TMEM204: variants seen among roughly 807,000 people sequenced by gnomAD.
TMEM204 encodes transmembrane protein 204, also known as claudin-like protein 24.
In TMEM204, 15 loss-of-function variants were observed where a neutral mutation model predicts 19.4. The observed-to-expected ratio is 0.77, with a 90% CI of 0.52 to 1.19. The LOEUF (loss-of-function observed/expected upper bound fraction) is 1.19, where lower values mean the gene tolerates loss of function less well. Ranked by LOEUF, TMEM204 falls within the 50% of genes most tolerant of loss-of-function variation. The probability of loss-of-function intolerance (pLI) is 0.00; values close to 1 mark genes in which losing one functional copy is unlikely to be tolerated. For missense variants in TMEM204, 287 were observed against 321.2 expected, an observed-to-expected ratio of 0.89 and a Z score of 0.81; for synonymous variants, 161 against 146.0, an observed-to-expected ratio of 1.10 and a Z score of -0.74.
chr16:1,537,100 G>A (rs1419883316), intron 1 of TMEM204, among the ~76,000 whole-genome samples: 1 of 152,236 alleles, frequency 6.6e-6, no homozygotes, highest in Non-Finnish European at 1.5e-5. Flanking sequence ...CGTATGATGG[G>A]CTGCGACCGT....
chr16:1,533,760 C>G lies in TMEM204; in HGVS notation c.-516C>G, dbSNP rs1356131520. On this transcript the variant is annotated 5_prime_UTR_variant, in exon 1 of 3. Transcript: ENST00000566264. This position sits in a 1 kb window ranked among gnomAD's most constrained non-coding sequence, Gnocchi z 4.7. Reference sequence around the variant, plus strand: ...TGCTTTCCAGGACCGGCCAACTGCCCTGGAGGCATCCACACAGGGGCCCAG... The same window carrying G: ...TGCTTTCCAGGACCGGCCAACTGCCGTGGAGGCATCCACACAGGGGCCCAG... The G allele has an allele frequency of 5.6e-6, 1 of 177,102 alleles. No individual in the cohort carries two copies. The highest frequency in any genetic ancestry group is 2.4e-5 in the African/African-American group (1 of 41,598). The allele number at this position is 177,102 out of a possible 1,614,324, so 11.0% of individuals were successfully genotyped here. A position where few individuals can be genotyped will look rare whatever the true frequency, so the allele number is the denominator to read the frequency against.
At chr16:1,548,922 G>C (rs941837147) in intron 2 of TMEM204, among the ~76,000 whole-genome samples, 2 of 152,216 alleles carry the variant, frequency 1.3e-5, no homozygotes, top group African/African-American at 4.8e-5. Flanking sequence ...GGAACACACG[G>C]AAGGTTCCCT....
At chr16:1,528,949 C>T (rs903694733), upstream of TMEM204, among the ~76,000 whole-genome samples, 5 of 152,148 alleles carry the variant, frequency 3.3e-5, no homozygotes, top group African/African-American at 4.8e-5. Context: ...ATCTCAGCTT[C>T]CCTGGCTCCC....
At chr16:1,549,850 T>A (rs944250078) in intron 2 of TMEM204, among the ~76,000 whole-genome samples, 1 of 152,258 alleles carries the variant, frequency 6.6e-6, no homozygotes, top group Non-Finnish European at 1.5e-5. Context: ...TTACACCTGA[T>A]CTGCCACCTT....
At chr16:1,540,353 CACTCACG>C (rs1387607436) in intron 1 of TMEM204, among the ~76,000 whole-genome samples, 1 of 152,230 alleles carries the variant, frequency 6.6e-6, no homozygotes, top group Admixed American at 6.5e-5. Context: ...ACCACGTAAA[CACTCACG>C]AAGTAAAGCA....
intron 1 of TMEM204, among the ~76,000 whole-genome samples, chr16:1,536,887 G>GT (rs955920412): frequency 2.1e-4 from 32 of 152,348 alleles, no homozygotes; most frequent in African/African-American, 7.7e-4. Context: ...CCCCAATCGG[G>GT]TGAGGGGCTG....
intron 2 of TMEM204, among the ~76,000 whole-genome samples, chr16:1,547,924 G>A (rs958955971): frequency 6.6e-6 from 1 of 152,160 alleles, no homozygotes; most frequent in Non-Finnish European, 1.5e-5. Context: ...TGATCCTCCC[G>A]CTTCAGCCTC....
At chr16:1,547,457 T>C (rs927539097) in intron 2 of TMEM204, among the ~76,000 whole-genome samples, 6 of 152,238 alleles carry the variant, frequency 3.9e-5, no homozygotes, top group Non-Finnish European at 5.9e-5. Flanking sequence ...GAAAGTCTGC[T>C]GTTCTCTTAG....
At chr16:1,540,672 C>T (rs546480907) in intron 1 of TMEM204, 64 of 230,086 alleles carry the variant, frequency 2.8e-4, no homozygotes, top group Middle Eastern at 2.1e-3. Context: ...GATGCGGGCG[C>T]GGGGACCCGC....
At chr16:1,536,117 G>C (rs1478341182) in intron 1 of TMEM204, among the ~76,000 whole-genome samples, 1 of 152,220 alleles carries the variant, frequency 6.6e-6, no homozygotes, top group Non-Finnish European at 1.5e-5. Flanking sequence ...GTTCCCAGCC[G>C]GCCCTTGGCC....
At position 1,553,182 on chromosome 16, in the gene TMEM204, G is replaced by GTC. The variant is rs1215018267; in HGVS notation, c.437-1595_437-1594dup. On this transcript the variant is annotated intron_variant, in intron 2 of 2. Transcript: ENST00000566264. The surrounding 1 kb of genome is among the most constrained non-coding windows in gnomAD (Gnocchi z 4.4). Reference sequence around the variant, plus strand: ...GCTGGTTACCCATCTCTTGCTCTCTGTCTCTCCTTCCCTGTGTCTCTGTCT... The same window carrying GTC: ...GCTGGTTACCCATCTCTTGCTCTCTGTCTCTCTCCTTCCCTGTGTCTCTGTCT... 2 of 985,094 alleles carry GTC rather than the reference G, an allele frequency of 2.0e-6. No individual in the cohort carries two copies. Among genetic ancestry groups the GTC allele is most frequent in the Non-Finnish European group, 2.4e-6 (2 of 829,682 alleles). 61.0% of individuals were successfully genotyped at this position (985,094 alleles called of 1,614,324 possible).
rs549403203 is a variant in TMEM204 at position 1,553,041 on chromosome 16, A to G, written c.437-1741A>G. 1.7e-4 allele frequency: 168 copies of G among 985,440 alleles called. No individual in the cohort carries two copies. The African/African-American group carries it at 2.8e-3, about 16-fold the overall frequency. 61.0% of individuals were successfully genotyped at this position (985,440 alleles called of 1,614,324 possible). A position where few individuals can be genotyped will look rare whatever the true frequency, so the allele number is the denominator to read the frequency against. ...AAGTATTATAAAGAATGAACACAGA[A>G]ACCAGTCACTGTCATTGTTCAGGAC... On this transcript the variant is annotated intron_variant, in intron 2 of 2. Coordinates refer to ENST00000566264, the MANE Select transcript of TMEM204 (RefSeq NM_024600.6). The surrounding 1 kb of genome is among the most constrained non-coding windows in gnomAD (Gnocchi z 4.4).
intron 2 of TMEM204, among the ~76,000 whole-genome samples, chr16:1,549,097 G>A (rs1160066642): frequency 2.0e-5 from 3 of 152,318 alleles, no homozygotes; most frequent in East Asian, 3.9e-4. Flanking sequence ...CTAGGGCCGC[G>A]CAGGTTCATG....
At position 1,542,040 on chromosome 16, in the gene TMEM204, T is replaced by C. The variant is rs2031698878; in HGVS notation, c.400T>C (p.Trp134Arg). ...CCTGCTGTCACCCGACGCCCCGTGC[T>C]GGGAGGAGGCCATGGCCGCTGCATT... ...LPLLSPDAPC[W>R]EEAMAAAFQL... Residue 134 changes from tryptophan (W) to arginine (R), a missense_variant, in exon 2 of 3, where the codon TGG (tryptophan) becomes CGG (arginine). Coordinates refer to ENST00000566264, the MANE Select transcript of TMEM204 (RefSeq NM_024600.6). 8 of 1,610,952 alleles carry C rather than the reference T, an allele frequency of 5.0e-6. No homozygotes were observed. The highest frequency in any genetic ancestry group is 1.7e-4 in the Middle Eastern group (1 of 6,056).
chr16:1,553,540 G>C lies in TMEM204; in HGVS notation c.437-1242G>C. ...GAGGGACATGGACAAGTCCTCTATG[G>C]ACAAGAGGGGCTGGAGAGTTTAATC... is the stretch of plus-strand genomic sequence containing the variant. On this transcript the variant is annotated intron_variant, in intron 2 of 2. Transcript: ENST00000566264. This position sits in a 1 kb window ranked among gnomAD's most constrained non-coding sequence, Gnocchi z 4.4. 1.0e-6 allele frequency: 1 copy of C among 998,210 alleles called. No individual in the cohort carries two copies. Among genetic ancestry groups the C allele is most frequent in the Non-Finnish European group, 1.2e-6 (1 of 836,758 alleles). 61.8% of individuals were successfully genotyped at this position (998,210 alleles called of 1,614,324 possible).
intron 1 of TMEM204, among the ~76,000 whole-genome samples, chr16:1,536,723 G>A (rs1399028334): frequency 6.6e-6 from 1 of 152,094 alleles, no homozygotes; most frequent in Non-Finnish European, 1.5e-5. Context: ...TCCCTTGGCC[G>A]TGCTGGTGTC....
intron 2 of TMEM204, among the ~76,000 whole-genome samples, chr16:1,543,143 G>A (rs1409072399): frequency 2.6e-5 from 4 of 152,238 alleles, no homozygotes; most frequent in East Asian, 1.9e-4. Flanking sequence ...CAGAGAAAGC[G>A]AGCATGTCGG....
At chr16:1,554,724 A>C in intron 2 of TMEM204, 58 bp from the exon 3 acceptor site, 2 of 1,594,572 alleles carry the variant, frequency 1.3e-6, no homozygotes, top group Non-Finnish European at 1.7e-6. Flanking sequence ...GGGCTGGGGA[A>C]GGAGTGGAAC....
chr16:1,535,240 G>A (rs985935876), intron 1 of TMEM204, among the ~76,000 whole-genome samples: 4 of 152,136 alleles, frequency 2.6e-5, no homozygotes, highest in Non-Finnish European at 4.4e-5. Flanking sequence ...ACGCTCGGAA[G>A]GGGACAGGGA....
Sources: gnomAD v4.1 joint callset for allele counts (sites outside exome capture counted in the v4.1 genomes callset) on GRCh38, gnomAD v4.1.1 for gene constraint, Gnocchi (gnomAD v3.1) non-coding constraint, MANE v1.5 for transcripts, NCBI Gene and HGNC (gene_info 2026-07-23, HGNC 2026-07-21) for gene names.